NLRP7: variants seen among roughly 807,000 people sequenced by gnomAD.
The protein encoded by NLRP7 is NACHT, LRR and PYD domains-containing protein 7.
NLRP7 carries 72 observed loss-of-function variants against 85.5 expected under a neutral mutation model. That is an observed-to-expected ratio of 0.84 (90% CI 0.70 to 1.02). NLRP7 has a LOEUF of 1.02. Ranked by LOEUF, NLRP7 falls within the 50% of genes least tolerant of loss-of-function variation. NLRP7 has a pLI of 0.00. For synonymous variants in NLRP7, 550 were observed against 505.2 expected (o/e 1.09, Z -1.19); for missense variants, 1,243 against 1,219.5 (o/e 1.02, Z -0.29).
At chr19:54,948,545 G>A (rs553632798), upstream of NLRP7, among the ~76,000 whole-genome samples, 5 of 152,092 alleles carry the variant, frequency 3.3e-5, no homozygotes, top group East Asian at 1.9e-4. Context: ...GTGAGACCCA[G>A]TCTCAAAAAA....
At chr19:54,944,758 C>A (rs900127312) in intron 1 of NLRP7, among the ~76,000 whole-genome samples, 1 of 151,938 alleles carries the variant, frequency 6.6e-6, no homozygotes, top group Non-Finnish European at 1.5e-5. Flanking sequence ...CACAAGGAGA[C>A]CTTGTCTCTA....
Position 54,934,177 on chromosome 19 carries a change from G to A in NLRP7, c.2471+312C>T, listed in dbSNP as rs948799563. On this transcript the variant is annotated intron_variant, in intron 7 of 9. Transcript: ENST00000340844. The surrounding 1 kb of genome is among the most constrained non-coding windows in gnomAD (Gnocchi z 6.7). ...AGGATGGTCTCGATCTCTTGACCTCGTGATCTCCCCGCCTTGGCCTCCCAA... is the reference window on the plus strand; with the variant it reads ...AGGATGGTCTCGATCTCTTGACCTCATGATCTCCCCGCCTTGGCCTCCCAA... 2.6e-5 allele frequency among the ~76,000 whole-genome samples: 4 copies of A among 152,044 alleles called. No individual in the cohort carries two copies. The highest frequency in any genetic ancestry group is 6.6e-5 in the Admixed American group (1 of 15,244).
chr19:54,955,523 G>A (rs1405091323), intron 1 of NLRP7, among the ~76,000 whole-genome samples: 1 of 152,020 alleles, frequency 6.6e-6, no homozygotes, highest in African/African-American at 2.4e-5. Flanking sequence ...ACAGAATTTC[G>A]ACTGAGCACA....
chr19:54,960,052 C>A (rs1454518916), intron 1 of NLRP7, among the ~76,000 whole-genome samples: 1 of 151,982 alleles, frequency 6.6e-6, no homozygotes, highest in Non-Finnish European at 1.5e-5. Flanking sequence ...CCACGTAGTT[C>A]CTCTTTTGGA....
In NLRP7 at chr19:54,926,554, T is replaced by C. The variant is rs988058495; in HGVS notation, c.2811-2682A>G. ...CGGCACTTTGAGAGGCTGAGGCAGG[T>C]GGATCACCTGAGGTTGGGAGTTTGA... is the stretch of plus-strand genomic sequence containing the variant. On this transcript the variant is annotated intron_variant, in intron 9 of 9. Transcript: ENST00000340844. Among the ~76,000 whole-genome samples, 3 of 151,582 alleles carry C rather than the reference T, an allele frequency of 2.0e-5. 1 individual carries two copies. In the South Asian group the frequency reaches 6.3e-4, roughly 32 times the overall value.
At chr19:54,947,890 A>T (rs186231222), upstream of NLRP7, 352 of 244,336 alleles carry the variant, frequency 1.4e-3, 1 homozygote, top group Middle Eastern at 0.022. Flanking sequence ...AATAAAAATT[A>T]AAAAAAAAGA....
chr19:54,957,903 C>A (rs940166653), intron 1 of NLRP7, among the ~76,000 whole-genome samples: 2 of 152,068 alleles, frequency 1.3e-5, no homozygotes, highest in Admixed American at 6.6e-5. Flanking sequence ...CAAAGTGAGA[C>A]CCAGTCTCTA....
intron 1 of NLRP7, among the ~76,000 whole-genome samples, chr19:54,959,251 GC>G (rs993329614): frequency 6.7e-6 from 1 of 149,738 alleles, no homozygotes; most frequent in Non-Finnish European, 1.5e-5. Context: ...CAATTCTGCT[GC>G]CTCATCCTTC....
intron 7 of NLRP7, 48 bp from the exon 8 acceptor site, chr19:54,933,787 A>T: frequency 6.6e-7 from 1 of 1,511,342 alleles, no homozygotes; most frequent in Admixed American, 1.7e-5. Flanking sequence ...CATTTCCACA[A>T]CTCCAACCTG....
intron 1 of NLRP7, among the ~76,000 whole-genome samples, chr19:54,943,537 C>A (rs2069330539): frequency 7.5e-6 from 1 of 133,460 alleles, no homozygotes; most frequent in South Asian, 2.7e-4. Flanking sequence ...GGAGGCGGAG[C>A]TTGCAGTGAG....
At chr19:54,960,079 C>T (rs1028345496) in intron 1 of NLRP7, among the ~76,000 whole-genome samples, 1 of 152,026 alleles carries the variant, frequency 6.6e-6, no homozygotes, top group African/African-American at 2.4e-5. Flanking sequence ...AACCCCTTTG[C>T]AGGTTCCATC....
chr19:54,950,415 T>C (rs1379649256), upstream of NLRP7, among the ~76,000 whole-genome samples: 1 of 152,122 alleles, frequency 6.6e-6, no homozygotes, highest in African/African-American at 2.4e-5. Context: ...GCATTCAGCA[T>C]ATGGAGGATC....
At chr19:54,955,050 G>A (rs954980715) in intron 1 of NLRP7, among the ~76,000 whole-genome samples, 12 of 151,956 alleles carry the variant, frequency 7.9e-5, no homozygotes, top group Non-Finnish European at 1.3e-4. Context: ...ATTGGTGGCC[G>A]GGCGCGGTGG....
At chr19:54,923,749 A>G in exon 10 of NLRP7, 1 of 1,613,112 alleles carries the variant, frequency 6.2e-7, no homozygotes, top group South Asian at 1.1e-5. Flanking sequence ...CTCAGCAAAA[A>G]AAGTCACAGC....
chr19:54,928,696 G>A (rs2068547994), intron 9 of NLRP7, among the ~76,000 whole-genome samples: 1 of 152,046 alleles, frequency 6.6e-6, no homozygotes, highest in Non-Finnish European at 1.5e-5. Flanking sequence ...ACTGGGGGAG[G>A]GAATCTTGTA....
intron 5 of NLRP7, among the ~76,000 whole-genome samples, chr19:54,937,633 C>T (rs1298211794): frequency 6.6e-6 from 1 of 152,006 alleles, no homozygotes; most frequent in Non-Finnish European, 1.5e-5. Context: ...TGCAGCGGCT[C>T]ATGCCTATAA....
intron 8 of NLRP7, among the ~76,000 whole-genome samples, chr19:54,932,964 A>G (rs2068739350): frequency 6.6e-6 from 1 of 152,178 alleles, no homozygotes; most frequent in East Asian, 1.9e-4. Context: ...CACTGGCCCT[A>G]CCACATAACT....
At chr19:54,954,831 C>T (rs113829621) in intron 1 of NLRP7, among the ~76,000 whole-genome samples, 3 of 151,870 alleles carry the variant, frequency 2.0e-5, no homozygotes, top group Non-Finnish European at 2.9e-5. Flanking sequence ...CCAGCCTGGG[C>T]GACAAGAGCA....
chr19:54,954,205 G>C (rs959214315), intron 1 of NLRP7, among the ~76,000 whole-genome samples: 7 of 148,350 alleles, frequency 4.7e-5, no homozygotes, highest in African/African-American at 1.5e-4. Context: ...TCCACCCCTT[G>C]TTTAGCATAT....
Sources: gnomAD v4.1 joint callset for allele counts (sites outside exome capture counted in the v4.1 genomes callset) on GRCh38, gnomAD v4.1.1 for gene constraint, Gnocchi (gnomAD v3.1) non-coding constraint, MANE v1.5 for transcripts, NCBI Gene and HGNC (gene_info 2026-07-23, HGNC 2026-07-21) for gene names.